The following KCNIP4 variants were observed in gnomAD, a reference collection of about 807,000 sequenced individuals.
KCNIP4 encodes the protein potassium voltage-gated channel interacting protein 4.
Under a neutral mutation model 34.0 loss-of-function variants are expected in KCNIP4, and 12 were observed. The observed-to-expected ratio is 0.35, with a 90% CI of 0.23 to 0.57. The LOEUF is 0.57. Among genes scored for constraint, KCNIP4 ranks in the 20% least tolerant of loss-of-function variants. The probability of loss-of-function intolerance (pLI) is 0.83; values close to 1 mark genes in which losing one functional copy is unlikely to be tolerated. For synonymous variants in KCNIP4, 124 were observed against 102.2 expected, an observed-to-expected ratio of 1.21 and a Z score of -1.29; for missense variants, 238 against 311.7, an observed-to-expected ratio of 0.76 and a Z score of 1.78.
chr4:21,502,047 GC>G (rs1449292869), intron 1 of KCNIP4, among the ~76,000 whole-genome samples: 1 of 151,302 alleles, frequency 6.6e-6, no homozygotes, highest in Admixed American at 6.6e-5. Flanking sequence ...AATGCAGGCA[GC>G]TTGCTAAAGG....
chr4:21,116,012 G>T (rs891003684), intron 1 of KCNIP4, among the ~76,000 whole-genome samples: 1 of 152,136 alleles, frequency 6.6e-6, no homozygotes, highest in Admixed American at 6.5e-5. Flanking sequence ...TGAAGGCGAT[G>T]GTTTCGGAAT....
At chr4:20,858,786 C>T (rs144966772) in intron 2 of KCNIP4, among the ~76,000 whole-genome samples, 71 of 152,274 alleles carry the variant, frequency 4.7e-4, no homozygotes, top group Non-Finnish European at 7.8e-4. Context: ...TATATTATCC[C>T]ATTTTAATAC....
chr4:21,339,856 G>T (rs972880875), intron 1 of KCNIP4, among the ~76,000 whole-genome samples: 1 of 152,116 alleles, frequency 6.6e-6, no homozygotes, highest in African/African-American at 2.4e-5. Context: ...CATAACTGGT[G>T]CTTACCAAAG....
chr4:21,480,709 T>G (rs68049217), intron 1 of KCNIP4, among the ~76,000 whole-genome samples: 1 of 152,096 alleles, frequency 6.6e-6, no homozygotes, highest in African/African-American at 2.4e-5. Context: ...ACATAGAATA[T>G]GTCTAGTTAA....
chr4:20,947,729 T>C (rs918485186), intron 1 of KCNIP4, among the ~76,000 whole-genome samples: 2 of 152,160 alleles, frequency 1.3e-5, no homozygotes, highest in African/African-American at 4.8e-5. Context: ...ACAACAACAG[T>C]CAACACTGAC....
intron 1 of KCNIP4, among the ~76,000 whole-genome samples, chr4:21,108,153 G>A (rs1748762276): frequency 6.6e-6 from 1 of 151,420 alleles, no homozygotes; most frequent in South Asian, 2.1e-4. Context: ...GGCCTGCCTT[G>A]CTAGATTTGG....
chr4:21,289,744 T>A (rs1222038793), intron 1 of KCNIP4, among the ~76,000 whole-genome samples: 1 of 152,182 alleles, frequency 6.6e-6, no homozygotes, highest in African/African-American at 2.4e-5. Flanking sequence ...AAATAATTCT[T>A]ACCTAGGTTT....
chr4:21,529,432 G>A lies in KCNIP4; in HGVS notation c.61+419139C>T, dbSNP rs1364425458. On this transcript the variant is annotated intron_variant, in intron 1 of 8. Transcript: ENST00000382152. ...CCTCAGGTTAAGATAAGTTCAGGAA[G>A]TGGAAAAGTTCACACTACAGCTGAG... Among the ~76,000 whole-genome samples the A allele has an allele frequency of 2.6e-5, 4 of 152,286 alleles. No individual in the cohort carries two copies. In the South Asian group the frequency reaches 8.3e-4, roughly 32 times the overall value.
intron 1 of KCNIP4, among the ~76,000 whole-genome samples, chr4:21,233,999 A>T (rs565593524): frequency 6.1e-5 from 7 of 114,242 alleles, no homozygotes; most frequent in African/African-American, 1.9e-4. Context: ...TAACATGTAT[A>T]ATATATAACA....
intron 1 of KCNIP4, among the ~76,000 whole-genome samples, chr4:21,527,345 T>C (rs1258579880): frequency 1.3e-5 from 2 of 152,152 alleles, no homozygotes; most frequent in African/African-American, 2.4e-5. Flanking sequence ...AAGAAAAAGA[T>C]GAAAGAATCA....
chr4:21,691,877 T>C (rs1318729812), intron 1 of KCNIP4, among the ~76,000 whole-genome samples: 1 of 151,962 alleles, frequency 6.6e-6, no homozygotes, highest in Non-Finnish European at 1.5e-5. Flanking sequence ...TTCTTGTATC[T>C]TTAGTAGAGA....
chr4:21,074,654 C>A (rs1482848636), intron 1 of KCNIP4, among the ~76,000 whole-genome samples: 7 of 152,030 alleles, frequency 4.6e-5, no homozygotes, highest in Non-Finnish European at 1.0e-4. Context: ...CTGCTCTGAT[C>A]TTAGTTATTT....
At chr4:21,096,256 A>T (rs1215008136) in intron 1 of KCNIP4, among the ~76,000 whole-genome samples, 1 of 151,964 alleles carries the variant, frequency 6.6e-6, no homozygotes, top group Non-Finnish European at 1.5e-5. Context: ...TGTTAGAGCC[A>T]CTCCATCTTT....
At chr4:21,806,360 T>G (rs1350434342) in intron 1 of KCNIP4, among the ~76,000 whole-genome samples, 1 of 152,192 alleles carries the variant, frequency 6.6e-6, no homozygotes, top group Non-Finnish European at 1.5e-5. Context: ...AATTCTGTAT[T>G]TATTTGAATT....
intron 1 of KCNIP4, among the ~76,000 whole-genome samples, chr4:21,368,361 A>G (rs1219184216): frequency 1.4e-5 from 2 of 147,182 alleles, no homozygotes; most frequent in Middle Eastern, 3.2e-3. Flanking sequence ...ACCATTTGTG[A>G]TTTAGAAAAT....
At chr4:21,882,668 T>C (rs1726524497) in intron 1 of KCNIP4, among the ~76,000 whole-genome samples, 1 of 152,046 alleles carries the variant, frequency 6.6e-6, no homozygotes, top group Non-Finnish European at 1.5e-5. Context: ...AAAGCAGTCT[T>C]TCAAGTGGCT....
intron 3 of KCNIP4, among the ~76,000 whole-genome samples, chr4:20,808,567 G>A (rs751751536): frequency 8.5e-5 from 13 of 152,138 alleles, no homozygotes; most frequent in Non-Finnish European, 1.5e-4. Context: ...ATCAGTAAAT[G>A]TCAAGAGTTG....
At chr4:21,410,324 C>G (rs141708738) in intron 1 of KCNIP4, among the ~76,000 whole-genome samples, 42 of 152,270 alleles carry the variant, frequency 2.8e-4, no homozygotes, top group African/African-American at 9.6e-4. Context: ...GCTTCCCCTC[C>G]CCTGGAATGT....
chr4:20,996,307 T>C (rs1737550286), intron 1 of KCNIP4, among the ~76,000 whole-genome samples: 1 of 152,178 alleles, frequency 6.6e-6, no homozygotes, highest in South Asian at 2.1e-4. Flanking sequence ...AAAGAGCATA[T>C]CTTTCATATA....
Sources: allele counts gnomAD v4.1 joint callset (sites outside exome capture counted in the v4.1 genomes callset), GRCh38; gene constraint gnomAD v4.1.1; transcripts MANE v1.5; gene names NCBI Gene and HGNC (gene_info 2026-07-23, HGNC 2026-07-21).